SLC8A1: variants seen among roughly 807,000 people sequenced by gnomAD.
SLC8A1 encodes solute carrier family 8 member A1.
In SLC8A1, 18 loss-of-function variants were observed where a neutral mutation model predicts 68.3. That is an observed-to-expected ratio of 0.26 (90% CI 0.18 to 0.39). The LOEUF is 0.39. SLC8A1 is among the 10% of genes least tolerant of loss of function. The pLI is 1.00. For synonymous variants in SLC8A1, 475 were observed against 415.5 expected, an observed-to-expected ratio of 1.14 and a Z score of -1.74; for missense variants, 985 against 1,156.7, an observed-to-expected ratio of 0.85 and a Z score of 2.15.
intron 2 of SLC8A1, among the ~76,000 whole-genome samples, chr2:40,328,056 A>T (rs1015631397): frequency 6.6e-6 from 1 of 152,182 alleles, no homozygotes; most frequent in Non-Finnish European, 1.5e-5. Context: ...AACCACAGGA[A>T]TTCAGAGAAG....
intron 2 of SLC8A1, among the ~76,000 whole-genome samples, chr2:40,291,467 T>C (rs1386451842): frequency 1.3e-5 from 2 of 152,142 alleles, no homozygotes. Flanking sequence ...TGGGAGTTCC[T>C]TGAAAAAGCC....
At chr2:40,433,740 G>A (rs1698836516) in intron 1 of SLC8A1, among the ~76,000 whole-genome samples, 1 of 152,100 alleles carries the variant, frequency 6.6e-6, no homozygotes, top group African/African-American at 2.4e-5. Context: ...CTTTTTCCAA[G>A]ACTGATATAA....
intron 1 of SLC8A1, among the ~76,000 whole-genome samples, chr2:40,478,417 G>T (rs1219295520): frequency 6.6e-6 from 1 of 152,072 alleles, no homozygotes; most frequent in African/African-American, 2.4e-5. Context: ...CAGATCTAAA[G>T]GTCCTAACAA....
intron 2 of SLC8A1, among the ~76,000 whole-genome samples, chr2:40,297,574 T>C (rs1040254205): frequency 6.6e-6 from 1 of 152,250 alleles, no homozygotes; most frequent in East Asian, 1.9e-4. Context: ...GTATAGTCTC[T>C]ACTTTGTGTA....
At chr2:40,381,793 C>T (rs1285236843) in intron 2 of SLC8A1, among the ~76,000 whole-genome samples, 1 of 151,382 alleles carries the variant, frequency 6.6e-6, no homozygotes. Context: ...CTTTCCAGAT[C>T]ACCATCTGGA....
At chr2:40,162,971 A>G (rs905396696) in intron 5 of SLC8A1, among the ~76,000 whole-genome samples, 1 of 152,118 alleles carries the variant, frequency 6.6e-6, no homozygotes, top group African/African-American at 2.4e-5. Context: ...AGTAAAAGAG[A>G]TTTCTTAAAT....
At chr2:40,367,608 T>C (rs564904752) in intron 2 of SLC8A1, among the ~76,000 whole-genome samples, 1 of 152,068 alleles carries the variant, frequency 6.6e-6, no homozygotes, top group South Asian at 2.1e-4. Flanking sequence ...ACATGTGTCA[T>C]CAGTGTGTGC....
intron 6 of SLC8A1, among the ~76,000 whole-genome samples, chr2:40,140,822 A>T (rs2148295000): frequency 8.0e-6 from 1 of 124,774 alleles, no homozygotes; most frequent in South Asian, 2.8e-4. Flanking sequence ...TTATATAACT[A>T]TGCAATTACC....
At chr2:40,110,103 A>C (rs1473493787) in exon 8 of SLC8A1, 1 of 152,178 alleles carries the variant, frequency 6.6e-6, no homozygotes, top group Non-Finnish European at 1.5e-5. Flanking sequence ...AAAAAGTCAA[A>C]GAAAGTGAAA....
At chr2:40,109,772 G>A (rs1189245355) in exon 8 of SLC8A1, 1 of 151,928 alleles carries the variant, frequency 6.6e-6, no homozygotes, top group Non-Finnish European at 1.5e-5. Context: ...CCAACTCTTT[G>A]AAAAAATGCT....
intron 1 of SLC8A1, among the ~76,000 whole-genome samples, chr2:40,461,879 C>T (rs971847413): frequency 6.6e-6 from 1 of 151,812 alleles, no homozygotes; most frequent in Non-Finnish European, 1.5e-5. Flanking sequence ...ACTATACATT[C>T]ATCGTTATAA....
chr2:40,507,223 T>C lies in SLC8A1; in HGVS notation c.-25+5126A>G, dbSNP rs552697067. Among the ~76,000 whole-genome samples, 16 of 152,078 alleles carry C rather than the reference T, an allele frequency of 1.1e-4. No individual in the cohort carries two copies. In the South Asian group the frequency reaches 2.9e-3, roughly 28 times the overall value. ...ATTCTTATCTCATTTTCCAATCGTCTTTACTTACATAATGTTGCAGAGTGA... is the reference window on the plus strand; with the variant it reads ...ATTCTTATCTCATTTTCCAATCGTCCTTACTTACATAATGTTGCAGAGTGA... On this transcript the variant is annotated intron_variant, in intron 1 of 7. Transcript: ENST00000402441.
chr2:40,270,252 G>A (rs773884337), intron 2 of SLC8A1, among the ~76,000 whole-genome samples: 2 of 152,236 alleles, frequency 1.3e-5, no homozygotes, highest in South Asian at 4.1e-4. Context: ...ATCCACAGTG[G>A]TGCCAGAAGC....
At chr2:40,259,710 A>G (rs1216399523) in intron 2 of SLC8A1, among the ~76,000 whole-genome samples, 1 of 152,166 alleles carries the variant, frequency 6.6e-6, no homozygotes, top group Admixed American at 6.5e-5. Context: ...AGGTTGATTT[A>G]CTATTGCCAA....
intron 2 of SLC8A1, among the ~76,000 whole-genome samples, chr2:40,311,744 G>A (rs1052077106): frequency 1.3e-5 from 2 of 151,532 alleles, no homozygotes; most frequent in African/African-American, 2.4e-5. Context: ...GAATGAACAT[G>A]GATTACTTGC....
At chr2:40,500,619 A>G (rs1705992666) in intron 1 of SLC8A1, among the ~76,000 whole-genome samples, 1 of 151,950 alleles carries the variant, frequency 6.6e-6, no homozygotes, top group South Asian at 2.1e-4. Context: ...TTATTCTTGA[A>G]AAGAGGCTTT....
chr2:40,272,949 T>C (rs2066231760), intron 2 of SLC8A1, among the ~76,000 whole-genome samples: 1 of 152,152 alleles, frequency 6.6e-6, no homozygotes, highest in Non-Finnish European at 1.5e-5. Flanking sequence ...AATATTCTTT[T>C]GTTTTGTTTT....
intron 4 of SLC8A1, among the ~76,000 whole-genome samples, chr2:40,173,403 A>G (rs1253233192): frequency 6.6e-6 from 1 of 152,218 alleles, no homozygotes; most frequent in African/African-American, 2.4e-5. Flanking sequence ...AAGAAATCCA[A>G]CACAAAGACT....
chr2:40,336,778 A>G (rs1482599503), intron 2 of SLC8A1, among the ~76,000 whole-genome samples: 1 of 152,162 alleles, frequency 6.6e-6, no homozygotes, highest in Non-Finnish European at 1.5e-5. Flanking sequence ...CATGAAAAAA[A>G]TAATAAAGTC....
Sources: gnomAD v4.1 joint callset for allele counts (sites outside exome capture counted in the v4.1 genomes callset) on GRCh38, gnomAD v4.1.1 for gene constraint, MANE v1.5 for transcripts, NCBI Gene and HGNC (gene_info 2026-07-23, HGNC 2026-07-21) for gene names.